Variants in SLIT2 observed in about 807,000 individuals in gnomAD.
The protein encoded by SLIT2 is slit homolog 2 protein.
Under a neutral mutation model 185.7 loss-of-function variants are expected in SLIT2, and 41 were observed. The observed-to-expected ratio is 0.22, with a 90% CI of 0.17 to 0.29. The LOEUF (loss-of-function observed/expected upper bound fraction) is 0.29, where lower values mean the gene tolerates loss of function less well. Among genes scored for constraint, SLIT2 ranks in the 10% least tolerant of loss-of-function variants. SLIT2 has a pLI of 1.00. For synonymous variants in SLIT2, 693 were observed against 680.2 expected (o/e 1.02, Z -0.29); for missense variants, 1,571 against 1,909.0 (o/e 0.82, Z 3.30).
chr4:20,485,839 C>T (rs997425157), intron 6 of SLIT2, among the ~76,000 whole-genome samples: 1 of 152,174 alleles, frequency 6.6e-6, no homozygotes, highest in Non-Finnish European at 1.5e-5. Flanking sequence ...CATAATGCCA[C>T]TCTACGGAAA....
At chr4:20,583,751 G>A (rs1469676048) in intron 29 of SLIT2, among the ~76,000 whole-genome samples, 1 of 152,030 alleles carries the variant, frequency 6.6e-6, no homozygotes, top group Non-Finnish European at 1.5e-5. Flanking sequence ...AGAGGTTGCA[G>A]TGAGCCAAGA....
At chr4:20,522,349 T>C (rs1227954756) in intron 12 of SLIT2, among the ~76,000 whole-genome samples, 2 of 152,146 alleles carry the variant, frequency 1.3e-5, no homozygotes, top group African/African-American at 2.4e-5. Context: ...ACCAACCCTA[T>C]TGAGACCAGT....
chr4:20,595,629 G>C (rs1193515018), intron 30 of SLIT2, 68 bp from the exon 31 acceptor site: 2 of 1,590,400 alleles, frequency 1.3e-6, no homozygotes, highest in Non-Finnish European at 1.7e-6. Context: ...ATTGTGTCTA[G>C]ATAAAATGCA....
intron 4 of SLIT2, among the ~76,000 whole-genome samples, chr4:20,361,764 CTAAGTA>C (rs1722761110): frequency 6.6e-6 from 1 of 151,928 alleles, no homozygotes; most frequent in African/African-American, 2.4e-5. Flanking sequence ...TTAGGTATCT[CTAAGTA>C]TATTTTATTT....
intron 3 of SLIT2, among the ~76,000 whole-genome samples, chr4:20,261,052 C>T (rs1923838): frequency 0.22 from 33,874 of 151,702 alleles, 4,625 homozygotes; most frequent in Middle Eastern, 0.35. Context: ...CTGCATACCA[C>T]GAGCACACAT....
chr4:20,481,237 G>A (rs760194132), intron 6 of SLIT2, among the ~76,000 whole-genome samples: 3 of 152,042 alleles, frequency 2.0e-5, no homozygotes, highest in African/African-American at 7.2e-5. Context: ...TTTGAAATCT[G>A]CTTCCTAAGG....
chr4:20,565,319 G>A (rs1408158559), intron 26 of SLIT2, among the ~76,000 whole-genome samples: 5 of 151,926 alleles, frequency 3.3e-5, no homozygotes, highest in Non-Finnish European at 5.9e-5. Context: ...GTTCTTCACC[G>A]TTCCATCCTA....
intron 28 of SLIT2, 63 bp from the exon 29 acceptor site, chr4:20,568,802 A>G: frequency 6.8e-7 from 1 of 1,463,392 alleles, no homozygotes; most frequent in Non-Finnish European, 9.4e-7. Flanking sequence ...TTCAATATTT[A>G]GACCACATGA....
chr4:20,482,098 A>G (rs1716759139), intron 6 of SLIT2, among the ~76,000 whole-genome samples: 1 of 152,046 alleles, frequency 6.6e-6, no homozygotes, highest in South Asian at 2.1e-4. Context: ...CAGAATAATT[A>G]GAATGATTTC....
rs1454770038 is a variant in SLIT2, at chr4:20,381,911, A to G, written c.396-85841A>G. ...CTTCATAAATACATAATACATATGT[A>G]TTTGTATAAATACATATGTATTTAT... On this transcript the variant is annotated intron_variant, in intron 4 of 36. Transcript: ENST00000504154. Among the ~76,000 whole-genome samples the G allele has an allele frequency of 3.1e-5, 4 of 130,148 alleles. No individual in the cohort carries two copies. In the East Asian group the frequency reaches 9.8e-4, roughly 32 times the overall value. The allele number at this position is 130,148 out of a possible 152,430, so 85.4% of individuals were successfully genotyped here.
chr4:20,468,524 T>C (rs1456147074), intron 5 of SLIT2, among the ~76,000 whole-genome samples: 1 of 151,662 alleles, frequency 6.6e-6, no homozygotes, highest in Admixed American at 6.6e-5. Flanking sequence ...GTCTGGTGTT[T>C]CAATTATAAG....
intron 11 of SLIT2, among the ~76,000 whole-genome samples, chr4:20,514,655 A>G (rs1275931875): frequency 6.6e-6 from 1 of 151,632 alleles, no homozygotes; most frequent in Admixed American, 6.7e-5. Flanking sequence ...AAAAAAATAA[A>G]TAAATAAAAA....
At chr4:20,325,161 C>T (rs762882204) in intron 4 of SLIT2, among the ~76,000 whole-genome samples, 2 of 151,792 alleles carry the variant, frequency 1.3e-5, no homozygotes, top group East Asian at 3.9e-4. Context: ...CTACCCTCAT[C>T]TTATCTTTCG....
At chr4:20,471,277 A>AGTTTT (rs56820040) in intron 5 of SLIT2, among the ~76,000 whole-genome samples, 109,965 of 151,466 alleles carry the variant, frequency 0.73, 40,228 homozygotes, top group Admixed American at 0.8. Flanking sequence ...TATGAAGTTT[A>AGTTTT]ATCATGAAAA....
intron 9 of SLIT2, among the ~76,000 whole-genome samples, chr4:20,502,202 A>G (rs1227281010): frequency 1.3e-5 from 2 of 152,236 alleles, no homozygotes; most frequent in Non-Finnish European, 2.9e-5. Context: ...ACTGAATATA[A>G]TAACATTATA....
At chr4:20,363,404 C>T (rs756166354) in intron 4 of SLIT2, among the ~76,000 whole-genome samples, 1 of 152,068 alleles carries the variant, frequency 6.6e-6, no homozygotes, top group Non-Finnish European at 1.5e-5. Flanking sequence ...GGAGAATAAG[C>T]AGAAGAGAAT....
At chr4:20,482,574 T>C (rs1362156893) in intron 6 of SLIT2, among the ~76,000 whole-genome samples, 2 of 151,906 alleles carry the variant, frequency 1.3e-5, no homozygotes, top group African/African-American at 4.8e-5. Context: ...ATCTAAAAAG[T>C]GACTTTAGCA....
At chr4:20,579,795 C>T (rs971587013) in intron 29 of SLIT2, among the ~76,000 whole-genome samples, 1 of 151,498 alleles carries the variant, frequency 6.6e-6, no homozygotes, top group African/African-American at 2.4e-5. Flanking sequence ...ATTGTTAACT[C>T]TCATGGACCA....
chr4:20,505,077 GC>G (rs1719081756), intron 9 of SLIT2, among the ~76,000 whole-genome samples: 1 of 151,754 alleles, frequency 6.6e-6, no homozygotes, highest in Non-Finnish European at 1.5e-5. Flanking sequence ...AATATATTGT[GC>G]TATATATTCT....
Sources: gnomAD v4.1 joint callset for allele counts (sites outside exome capture counted in the v4.1 genomes callset) on GRCh38, gnomAD v4.1.1 for gene constraint, MANE v1.5 for transcripts, NCBI Gene and HGNC (gene_info 2026-07-23, HGNC 2026-07-21) for gene names.